Variants in RIT2 observed in about 807,000 individuals in gnomAD.
RIT2 encodes the protein Ras like without CAAX 2.
In RIT2, 24 loss-of-function variants were observed where a neutral mutation model predicts 23.7. The ratio of observed to expected loss-of-function variants is 1.01; its 90% CI spans 0.73 to 1.43. The LOEUF (loss-of-function observed/expected upper bound fraction) is 1.43. RIT2 is among the 40% of genes most tolerant of loss of function. The probability of loss-of-function intolerance (pLI) is 0.00; values close to 1 mark genes in which losing one functional copy is unlikely to be tolerated. For synonymous variants in RIT2, 107 were observed against 91.1 expected (o/e 1.17, Z -0.99); for missense variants, 236 against 266.9 (o/e 0.88, Z 0.81).
chr18:42,911,142 T>C (rs186469432), intron 4 of RIT2, among the ~76,000 whole-genome samples: 281 of 152,008 alleles, frequency 1.8e-3, no homozygotes, highest in African/African-American at 6.3e-3. Flanking sequence ...CAGGGGGAAA[T>C]TTTTCAACAT....
intron 4 of RIT2, among the ~76,000 whole-genome samples, chr18:42,877,891 A>T (rs1907785900): frequency 1.3e-5 from 2 of 151,886 alleles, no homozygotes; most frequent in South Asian, 4.1e-4. Context: ...TATTCAGGGC[A>T]ACCTAAATCT....
At chr18:43,008,784 G>C (rs1474410392) in intron 2 of RIT2, among the ~76,000 whole-genome samples, 1 of 151,448 alleles carries the variant, frequency 6.6e-6, no homozygotes. Context: ...TAAAAAGGTT[G>C]TAATAGCACC....
chr18:43,100,534 A>G (rs2144237198), intron 1 of RIT2, among the ~76,000 whole-genome samples: 1 of 152,312 alleles, frequency 6.6e-6, no homozygotes, highest in Admixed American at 6.5e-5. Flanking sequence ...AATAAATTGT[A>G]GGAGACAATT....
chr18:42,743,563 A>G lies in RIT2; in HGVS notation c.584T>C (p.Leu195Pro). The G allele has an allele frequency of 6.2e-7, 1 of 1,614,016 alleles. No individual in the cohort carries two copies. Among genetic ancestry groups the G allele is most frequent in the Non-Finnish European group, 8.5e-7 (1 of 1,179,974 alleles). Residue 195 changes from leucine (L) to proline (P), a missense_variant, in exon 5 of 5, where the codon CTG becomes CCG. By Grantham distance (98) the Leu-to-Pro change is moderately conservative (BLOSUM62 -3). Transcript: ENST00000326695. ...ESMPSLMEKK[L>P]KRKDSLWKKL... ...CTTCCACAGGCTGTCTTTTCTCTTC[A>G]GTTTCTTTTCCATCAAGGATGGCAT...
intron 4 of RIT2, among the ~76,000 whole-genome samples, chr18:42,837,804 A>T (rs1230221675): frequency 6.6e-6 from 1 of 152,098 alleles, no homozygotes; most frequent in Non-Finnish European, 1.5e-5. Flanking sequence ...ACATGTAATT[A>T]AAAAAATCTT....
chr18:42,751,469 A>G (rs1913044442), intron 4 of RIT2, among the ~76,000 whole-genome samples: 1 of 151,996 alleles, frequency 6.6e-6, no homozygotes, highest in African/African-American at 2.4e-5. Flanking sequence ...TTCAGTTAAA[A>G]GTCCAATGTG....
chr18:43,021,813 T>C (rs1260992976), intron 2 of RIT2, among the ~76,000 whole-genome samples: 3 of 152,082 alleles, frequency 2.0e-5, no homozygotes, highest in Non-Finnish European at 4.4e-5. Flanking sequence ...ACCTCTTTTC[T>C]TTATAAATTA....
At chr18:42,752,443 T>G (rs1329469407) in intron 4 of RIT2, among the ~76,000 whole-genome samples, 3 of 152,152 alleles carry the variant, frequency 2.0e-5, no homozygotes, top group Non-Finnish European at 4.4e-5. Context: ...ATTTTTCAAA[T>G]GAGGACTTTC....
rs1021184777 is a variant in RIT2 at position 43,114,377 on chromosome 18, C to G, written c.103+1040G>C. The stretch of plus-strand genomic sequence containing the variant: ...TCCTTTACTGTTCAGTTTTCCTATC[C>G]CTTGTGGACCCATCCACCAAAGTTG... On this transcript the variant is annotated intron_variant, in intron 1 of 4. Transcript: ENST00000326695. 2.6e-5 allele frequency among the ~76,000 whole-genome samples: 4 copies of G among 152,056 alleles called. No homozygotes were observed. In the East Asian group the frequency reaches 7.7e-4, roughly 29 times the overall value.
chr18:42,825,963 A>G (rs902444679), intron 4 of RIT2, among the ~76,000 whole-genome samples: 3 of 151,980 alleles, frequency 2.0e-5, no homozygotes, highest in Non-Finnish European at 4.4e-5. Context: ...TGGAATTGCA[A>G]TTAATTATTG....
At chr18:43,085,436 A>C (rs1386508844) in intron 1 of RIT2, among the ~76,000 whole-genome samples, 2 of 152,130 alleles carry the variant, frequency 1.3e-5, no homozygotes, top group Non-Finnish European at 1.5e-5. Context: ...AGTACAATAA[A>C]ATACTAAAAA....
At chr18:42,962,144 AATAGT>A (rs1316366983) in intron 3 of RIT2, among the ~76,000 whole-genome samples, 3 of 152,202 alleles carry the variant, frequency 2.0e-5, no homozygotes, top group Non-Finnish European at 4.4e-5. Flanking sequence ...CCTGATATAA[AATAGT>A]CAACCATTCT....
At chr18:42,795,860 G>C (rs547234177) in intron 4 of RIT2, among the ~76,000 whole-genome samples, 45 of 152,218 alleles carry the variant, frequency 3.0e-4, no homozygotes, top group Middle Eastern at 3.4e-3. Flanking sequence ...TAGCTACTCT[G>C]GTGGGGCCTT....
chr18:42,783,237 G>A (rs1913851829), intron 4 of RIT2, among the ~76,000 whole-genome samples: 1 of 152,056 alleles, frequency 6.6e-6, no homozygotes, highest in South Asian at 2.1e-4. Flanking sequence ...GAGGACTGGA[G>A]TGGCTACAGA....
intron 1 of RIT2, among the ~76,000 whole-genome samples, chr18:43,087,537 CA>C (rs1365318110): frequency 2.0e-5 from 3 of 151,996 alleles, no homozygotes; most frequent in Non-Finnish European, 4.4e-5. Flanking sequence ...TCAGTCTTAC[CA>C]AAAAGTGACA....
At chr18:42,907,263 C>T (rs1215951934) in intron 4 of RIT2, among the ~76,000 whole-genome samples, 1 of 151,980 alleles carries the variant, frequency 6.6e-6, no homozygotes, top group African/African-American at 2.4e-5. Flanking sequence ...AAGAAAAGGG[C>T]ACACCAATGT....
At chr18:43,015,835 A>T (rs754144637) in intron 2 of RIT2, among the ~76,000 whole-genome samples, 1 of 151,794 alleles carries the variant, frequency 6.6e-6, no homozygotes, top group Non-Finnish European at 1.5e-5. Flanking sequence ...TTAGAAGTAG[A>T]GTAAAACATT....
intron 3 of RIT2, among the ~76,000 whole-genome samples, chr18:42,929,339 C>T (rs565924): frequency 0.87 from 132,125 of 151,886 alleles, 57,938 homozygotes; most frequent in East Asian, 1. Context: ...CTAAGACTAA[C>T]CTGTAATTGT....
intron 4 of RIT2, among the ~76,000 whole-genome samples, chr18:42,758,897 G>T (rs1913231863): frequency 6.6e-6 from 1 of 152,058 alleles, no homozygotes; most frequent in African/African-American, 2.4e-5. Flanking sequence ...TGTGCCCATT[G>T]ATTCTGTCCT....
Sources: gnomAD v4.1 joint callset for allele counts (sites outside exome capture counted in the v4.1 genomes callset) on GRCh38, gnomAD v4.1.1 for gene constraint, MANE v1.5 for transcripts, NCBI Gene and HGNC (gene_info 2026-07-23, HGNC 2026-07-21) for gene names.